Variants in MMD observed in about 807,000 individuals in gnomAD.
MMD encodes monocyte to macrophage differentiation associated.
In MMD, 22 loss-of-function variants were observed where a neutral mutation model predicts 33.6. That is an observed-to-expected ratio of 0.66 (90% CI 0.47 to 0.94). MMD has a LOEUF of 0.94. Ranked by LOEUF, MMD falls within the 40% of genes least tolerant of loss-of-function variation. The probability of loss-of-function intolerance (pLI) is 0.00; values close to 1 mark genes in which losing one functional copy is unlikely to be tolerated. For synonymous variants in MMD, 97 were observed against 103.2 expected (o/e 0.94, Z 0.36); for missense variants, 242 against 309.8 (o/e 0.78, Z 1.64).
intron 1 of MMD, 32 bp downstream of exon 1, chr17:55,421,638 G>A (rs780740742): frequency 1.3e-6 from 2 of 1,599,216 alleles, no homozygotes; most frequent in Non-Finnish European, 1.7e-6. Context: ...CTTCTGACAC[G>A]GGCAGCGGGA....
intron 4 of MMD, among the ~76,000 whole-genome samples, chr17:55,406,620 A>C (rs9901440): frequency 0.55 from 83,230 of 151,614 alleles, 23,512 homozygotes; most frequent in East Asian, 0.81. Flanking sequence ...GTGGCTCATG[A>C]CTGTAATCCC....
At position 55,417,782 on chromosome 17, in the gene MMD, G is replaced by A. The variant is rs533132642; in HGVS notation, c.27-3550C>T. Among the ~76,000 whole-genome samples the A allele has an allele frequency of 1.1e-3, 161 of 152,234 alleles. 5 individuals are homozygous for A. Among genetic ancestry groups the A allele is most frequent in the Admixed American group, 9.2e-3 (140 of 15,296 alleles). ...CCACTGCACTCCAGTCTGGGTGACA[G>A]AACAAGACCCTGTCTCAAAAACAAA... is the stretch of plus-strand genomic sequence containing the variant. On this transcript the variant is annotated intron_variant, in intron 1 of 6. Transcript: ENST00000262065.
chr17:55,414,253 C>T (rs368187610), intron 1 of MMD, 21 bp from the exon 2 acceptor site: 26 of 1,611,792 alleles, frequency 1.6e-5, no homozygotes, highest in Non-Finnish European at 2.0e-5. Context: ...AAAAAGAACA[C>T]ATGTAAGAAA....
chr17:55,414,352 G>A (rs1907880846), intron 1 of MMD, 120 bp from the exon 2 acceptor site: 3 of 908,464 alleles, frequency 3.3e-6, no homozygotes, highest in Middle Eastern at 5.7e-4. Flanking sequence ...GAAATACCCA[G>A]TTGCGGTAAT....
At chr17:55,402,577 G>T (rs1381418171) in intron 5 of MMD, among the ~76,000 whole-genome samples, 1 of 152,276 alleles carries the variant, frequency 6.6e-6, no homozygotes, top group East Asian at 1.9e-4. Context: ...ATGGCCAAGG[G>T]TGACTCATAC....
At chr17:55,399,115 T>C (rs1045408466) in intron 6 of MMD, among the ~76,000 whole-genome samples, 1 of 152,210 alleles carries the variant, frequency 6.6e-6, no homozygotes, top group African/African-American at 2.4e-5. Flanking sequence ...GCTGCTGTTC[T>C]CTGGGCTTTA....
At chr17:55,401,992 C>A (rs1567846949) in intron 5 of MMD, among the ~76,000 whole-genome samples, 1 of 36,358 alleles carries the variant, frequency 2.8e-5, no homozygotes, top group Non-Finnish European at 4.9e-5. Flanking sequence ...TGGCGTGAAC[C>A]CGAATGGCGT....
intron 6 of MMD, among the ~76,000 whole-genome samples, chr17:55,399,064 T>C (rs910785220): frequency 2.0e-5 from 3 of 152,184 alleles, no homozygotes; most frequent in Admixed American, 6.5e-5. Flanking sequence ...ACTGCAGCCA[T>C]GTCAGTAACC....
At chr17:55,401,995 AATGGCGTGAAC>A (rs1907352915) in intron 5 of MMD, among the ~76,000 whole-genome samples, 1 of 86,934 alleles carries the variant, frequency 1.2e-5, no homozygotes, top group Admixed American at 1.0e-4. Flanking sequence ...CGTGAACCCG[AATGGCGTGAAC>A]CCGGGAGGCG....
Position 55,421,347 on chromosome 17 carries a change from G to C in MMD, c.26+323C>G, listed in dbSNP as rs80182781. Among the ~76,000 whole-genome samples the C allele has an allele frequency of 4.3e-3, 656 of 152,360 alleles. 10 individuals carry two copies. Among genetic ancestry groups the C allele is most frequent in the African/African-American group, 0.015 (626 of 41,594 alleles). ...CCCAGAGAGAGCCAGAGCCCAGCCT[G>C]TATGGGGGTCGGGAGGGTGAGCCCC... is the stretch of plus-strand genomic sequence containing the variant. On this transcript the variant is annotated intron_variant, in intron 1 of 6. Coordinates refer to ENST00000262065, the MANE Select transcript of MMD (RefSeq NM_012329.3).
At chr17:55,396,445 C>T (rs529613962) in intron 6 of MMD, among the ~76,000 whole-genome samples, 30 of 152,208 alleles carry the variant, frequency 2.0e-4, no homozygotes, top group Non-Finnish European at 3.7e-4. Flanking sequence ...TGAAGCCTCC[C>T]GTCTTGCTCT....
Position 55,394,352 on chromosome 17 carries a change from G to A in MMD, c.699C>T (p.Asp233=). 7.2e-7 allele frequency: 1 copy of A among 1,397,460 alleles called. No homozygotes were observed. Among genetic ancestry groups the A allele is most frequent in the South Asian group, 1.9e-5 (1 of 52,232 alleles). The allele number at this position is 1,397,460 out of a possible 1,614,324, so 86.6% of individuals were successfully genotyped here. Residue 233 remains aspartate, a synonymous_variant, in exon 7 of 7, where the codon GAC becomes GAT. Coordinates refer to ENST00000262065, the MANE Select transcript of MMD (RefSeq NM_012329.3). ...AGATTGGTCATAAATGCCGCATAAA[G>A]TCCGTAGGACTTCGGTAAAGGTATT... ...IWKYLYRSPT[D]FMRHL is the part of the protein sequence containing the mutation.
chr17:55,399,348 T>C (rs1383825473), intron 6 of MMD, among the ~76,000 whole-genome samples: 1 of 152,182 alleles, frequency 6.6e-6, no homozygotes, highest in African/African-American at 2.4e-5. Flanking sequence ...AGATTCGCAT[T>C]TTCATTCATT....
intron 1 of MMD, among the ~76,000 whole-genome samples, chr17:55,416,578 T>C (rs937529387): frequency 8.5e-5 from 13 of 152,092 alleles, no homozygotes; most frequent in African/African-American, 2.7e-4. Flanking sequence ...CAATACAATT[T>C]TCCCATTTCT....
intron 4 of MMD, among the ~76,000 whole-genome samples, chr17:55,405,379 G>GAAA (rs10554664): frequency 8.7e-6 from 1 of 114,924 alleles, no homozygotes; most frequent in African/African-American, 4.0e-5. Context: ...CCGTCTCAAA[G>GAAA]AAAAAAAAAA....
At chr17:55,411,202 A>T (rs1907746865) in intron 3 of MMD, 55 bp downstream of exon 3, 2 of 1,563,680 alleles carry the variant, frequency 1.3e-6, no homozygotes, top group Non-Finnish European at 1.7e-6. Flanking sequence ...GAAGGGTACC[A>T]AACACGTTGA....
intron 1 of MMD, among the ~76,000 whole-genome samples, chr17:55,415,150 C>G (rs1014745328): frequency 6.6e-6 from 1 of 152,056 alleles, no homozygotes; most frequent in Non-Finnish European, 1.5e-5. Flanking sequence ...AAACCCAACC[C>G]ATACCCACAA....
At chr17:55,406,517 G>A (rs545202865) in intron 4 of MMD, among the ~76,000 whole-genome samples, 129 of 151,776 alleles carry the variant, frequency 8.5e-4, no homozygotes, top group Non-Finnish European at 1.5e-3. Context: ...CTGAGACCAC[G>A]GGCCACTGCC....
chr17:55,399,343 C>T (rs1251699289), intron 6 of MMD, among the ~76,000 whole-genome samples: 1 of 152,162 alleles, frequency 6.6e-6, no homozygotes, highest in South Asian at 2.1e-4. Context: ...ACCAAAGATT[C>T]GCATTTTCAT....
Sources: gnomAD v4.1 joint callset for allele counts (sites outside exome capture counted in the v4.1 genomes callset) on GRCh38, gnomAD v4.1.1 for gene constraint, MANE v1.5 for transcripts, NCBI Gene and HGNC (gene_info 2026-07-23, HGNC 2026-07-21) for gene names.